The following PDE1A variants were observed in gnomAD, a reference collection of about 807,000 sequenced individuals.
The protein encoded by PDE1A is phosphodiesterase 1A, also known as dual specificity calcium/calmodulin-dependent 3',5'-cyclic nucleotide phosphodiesterase 1A.
Under a neutral mutation model 61.7 loss-of-function variants are expected in PDE1A, and 35 were observed. That is an observed-to-expected ratio of 0.57 (90% CI 0.43 to 0.75). The LOEUF is 0.75. PDE1A is among the 30% of genes least tolerant of loss of function. PDE1A has a pLI of 0.00. For missense variants in PDE1A, 597 were observed against 630.6 expected (o/e 0.95, Z 0.57); for synonymous variants, 232 against 213.2 (o/e 1.09, Z -0.77).
downstream of PDE1A, among the ~76,000 whole-genome samples, chr2:182,165,260 T>A (rs1691596168): frequency 6.6e-6 from 1 of 152,180 alleles, no homozygotes; most frequent in South Asian, 2.1e-4. Context: ...TGCAACATTA[T>A]GTTCTTCTGG....
chr2:182,502,628 G>C (rs1254670775), intron 2 of PDE1A, among the ~76,000 whole-genome samples: 1 of 152,112 alleles, frequency 6.6e-6, no homozygotes, highest in Non-Finnish European at 1.5e-5. Context: ...ATTTAAAAGA[G>C]GTTTTTATTT....
chr2:182,178,644 G>A (rs1684489857), intron 13 of PDE1A, among the ~76,000 whole-genome samples: 1 of 152,092 alleles, frequency 6.6e-6, no homozygotes, highest in South Asian at 2.1e-4. Context: ...CAAGGTGGGT[G>A]TTCTCAGCAT....
chr2:182,643,538 C>T, the PDE1A span, among the ~76,000 whole-genome samples: 4 of 152,108 alleles, frequency 2.6e-5, no homozygotes, highest in African/African-American at 9.7e-5. Flanking sequence ...GTTTGCTCTA[C>T]AACAAATGGT....
chr2:182,238,905 C>T (rs1690277843), intron 3 of PDE1A, among the ~76,000 whole-genome samples: 1 of 152,042 alleles, frequency 6.6e-6, no homozygotes, highest in Admixed American at 6.5e-5. Context: ...TCCCAGTTTG[C>T]CAAGTTCTGT....
chr2:182,500,320 G>A (rs1689012233), intron 2 of PDE1A, among the ~76,000 whole-genome samples: 1 of 152,136 alleles, frequency 6.6e-6, no homozygotes, highest in Non-Finnish European at 1.5e-5. Flanking sequence ...TGGGAGGAGG[G>A]TCAGTCAGGA....
chr2:182,385,675 AAAAG>A (rs139934813), intron 1 of PDE1A, among the ~76,000 whole-genome samples: 18,890 of 101,378 alleles, frequency 0.19, 4,416 homozygotes, highest in East Asian at 0.42. Flanking sequence ...AAAAAGAAAG[AAAAG>A]AAAGAAAGAA....
the PDE1A span, among the ~76,000 whole-genome samples, chr2:182,613,354 A>C: frequency 9.5e-4 from 145 of 152,288 alleles, no homozygotes; most frequent in African/African-American, 3.3e-3. Flanking sequence ...CGAGGTCAGG[A>C]GATCAAGAAC....
chr2:182,709,946 G>A, the PDE1A span, among the ~76,000 whole-genome samples: 115 of 152,274 alleles, frequency 7.6e-4, 1 homozygote, highest in African/African-American at 2.7e-3. Context: ...TGCCAGGCTG[G>A]AGTGCAGTGG....
intron 1 of PDE1A, among the ~76,000 whole-genome samples, chr2:182,351,010 G>T (rs1294621450): frequency 1.3e-5 from 2 of 152,110 alleles, no homozygotes; most frequent in East Asian, 1.9e-4. Flanking sequence ...TGCAAGTTTG[G>T]CTTATGGTAA....
intron 2 of PDE1A, among the ~76,000 whole-genome samples, chr2:182,476,894 T>TAA (rs36121688): frequency 4.4e-4 from 48 of 109,770 alleles, no homozygotes; most frequent in African/African-American, 1.0e-3. Flanking sequence ...AAGGTTTTCA[T>TAA]AAAAAAAAAA....
At chr2:182,169,165 T>C (rs1574542984) in intron 13 of PDE1A, among the ~76,000 whole-genome samples, 2 of 152,240 alleles carry the variant, frequency 1.3e-5, no homozygotes, top group East Asian at 1.9e-4. Context: ...ATATGGGTTT[T>C]AGAACAATTC....
At chr2:182,635,051 C>A in the PDE1A span, among the ~76,000 whole-genome samples, 1 of 151,332 alleles carries the variant, frequency 6.6e-6, no homozygotes, top group African/African-American at 2.4e-5. Flanking sequence ...AATTGGATAC[C>A]GCTCATTATA....
the PDE1A span, among the ~76,000 whole-genome samples, chr2:182,698,858 G>A: frequency 6.6e-6 from 1 of 152,168 alleles, no homozygotes; most frequent in African/African-American, 2.4e-5. Context: ...CTTGAAGGCT[G>A]TTCTTAATGT....
intron 7 of PDE1A, among the ~76,000 whole-genome samples, chr2:182,213,478 G>A (rs1687856725): frequency 1.3e-5 from 1 of 79,154 alleles, no homozygotes; most frequent in Non-Finnish European, 2.6e-5. Flanking sequence ...TGAGCTACGG[G>A]AGGACATTCA....
intron 2 of PDE1A, among the ~76,000 whole-genome samples, chr2:182,506,792 C>A (rs1689439373): frequency 6.6e-6 from 1 of 152,194 alleles, no homozygotes; most frequent in African/African-American, 2.4e-5. Context: ...GACCTGTTGT[C>A]AGGGCAACAG....
At chr2:182,512,350 C>A (rs1276975264) in intron 2 of PDE1A, among the ~76,000 whole-genome samples, 1 of 152,106 alleles carries the variant, frequency 6.6e-6, no homozygotes, top group Non-Finnish European at 1.5e-5. Flanking sequence ...TGAGACTTGG[C>A]CCCCTGAAAT....
chr2:182,340,509 A>G (rs1698116587), intron 1 of PDE1A, among the ~76,000 whole-genome samples: 2 of 152,342 alleles, frequency 1.3e-5, no homozygotes, highest in Middle Eastern at 3.4e-3. Context: ...AAACTGCAGA[A>G]AATGGGAAGT....
chr2:182,690,942 G>A, the PDE1A span, among the ~76,000 whole-genome samples: 2 of 152,066 alleles, frequency 1.3e-5, no homozygotes, highest in Non-Finnish European at 1.5e-5. Context: ...GCTTCAAAGA[G>A]AATAAAATAC....
chr2:182,258,029 G>T (rs563310482), intron 2 of PDE1A, among the ~76,000 whole-genome samples: 13 of 152,200 alleles, frequency 8.5e-5, no homozygotes, highest in South Asian at 4.1e-4. Flanking sequence ...TTAGCTGGGT[G>T]TGGTGGCAGG....
Sources: gnomAD v4.1 joint callset for allele counts (sites outside exome capture counted in the v4.1 genomes callset) on GRCh38, gnomAD v4.1.1 for gene constraint, MANE v1.5 for transcripts, NCBI Gene and HGNC (gene_info 2026-07-23, HGNC 2026-07-21) for gene names.